The following SPG7 variants were observed in gnomAD, a reference collection of about 807,000 sequenced individuals.
SPG7 encodes the protein mitochondrial inner membrane m-AAA protease component paraplegin.
Under a neutral mutation model 81.9 loss-of-function variants are expected in SPG7, and 103 were observed. The observed-to-expected ratio is 1.26, with a 90% CI of 1.07 to 1.48. The LOEUF (loss-of-function observed/expected upper bound fraction) is 1.48, where lower values mean the gene tolerates loss of function less well. SPG7 is among the 40% of genes most tolerant of loss of function. The probability of loss-of-function intolerance (pLI) is 0.00; values close to 1 mark genes in which losing one functional copy is unlikely to be tolerated. For synonymous variants in SPG7, 534 were observed against 444.2 expected, an observed-to-expected ratio of 1.20 and a Z score of -2.54; for missense variants, 1,241 against 1,087.3, an observed-to-expected ratio of 1.14 and a Z score of -1.99.
In SPG7 at chr16:89,553,011, G is replaced by A. The variant is rs114474424; in HGVS notation, c.1812G>A (p.Leu604=). ...VSITPRTNAA[L]GFAQMLPRDQ... is the part of the protein sequence containing the mutation. ...TAACCCCTCGGACAAACGCCGCCCT[G>A]GGCTTTGCTCAGATGCTCCCCAGAG... is the stretch of plus-strand genomic sequence containing the variant. The change falls in exon 14 of 17, where the codon CTG becomes CTA. Residue 604 remains leucine, a synonymous_variant. Transcript: ENST00000645818. 32 of 1,613,972 alleles carry A rather than the reference G, an allele frequency of 2.0e-5. No homozygotes were observed. In the East Asian group the frequency reaches 5.6e-4, roughly 28 times the overall value.
chr16:89,510,795 G>A (rs2058010236), intron 2 of SPG7, among the ~76,000 whole-genome samples: 1 of 152,174 alleles, frequency 6.6e-6, no homozygotes, highest in South Asian at 2.1e-4. Context: ...TTCCGGAGTA[G>A]CTAGGACTAC....
chr16:89,517,715 GT>G (rs1313571734), intron 3 of SPG7: 1 of 151,728 alleles, frequency 6.6e-6, no homozygotes, highest in Non-Finnish European at 1.5e-5. Context: ...CACCTCGTGG[GT>G]TCAAGCAGTT....
chr16:89,527,024 G>C (rs991430322), intron 5 of SPG7: 2 of 241,516 alleles, frequency 8.3e-6, no homozygotes, highest in African/African-American at 2.3e-5. Context: ...CGAAATCTTT[G>C]TGTGTAACCT....
At chr16:89,530,305 C>G (rs1224242508) in intron 6 of SPG7, 2 of 345,734 alleles carry the variant, frequency 5.8e-6, no homozygotes, top group African/African-American at 4.3e-5. Context: ...CCACCACACC[C>G]AGCTAATTTT....
chr16:89,550,495 G>C lies in SPG7; in HGVS notation c.1665G>C (p.Gly555=), dbSNP rs1489882735. Residue 555 remains glycine (G), a splice_region_variant and synonymous_variant, in exon 13 of 17, where the codon GGG becomes GGC. Transcript: ENST00000645818. ...FEYAVERVLA[G]TAKKSKILSK... ...ACTCATACCCCGGCATTCTTTCAGG[G>C]ACTGCCAAAAAGAGCAAGATCCTGT... The C allele has an allele frequency of 4.3e-6, 7 of 1,611,528 alleles. No individual in the cohort carries two copies. The highest frequency in any genetic ancestry group is 5.9e-6 in the Non-Finnish European group (7 of 1,178,396).
intron 9 of SPG7, chr16:89,544,231 C>G (rs1231157377): frequency 1.4e-5 from 4 of 291,700 alleles, no homozygotes; most frequent in South Asian, 1.3e-4. Flanking sequence ...TAGGGCCAGA[C>G]GTTGAAGATA....
chr16:89,515,764 A>G (rs940727401), intron 3 of SPG7, among the ~76,000 whole-genome samples: 4 of 150,032 alleles, frequency 2.7e-5, no homozygotes, highest in Non-Finnish European at 5.9e-5. Flanking sequence ...CTAGAGTGCA[A>G]TGGCACGATC....
intron 5 of SPG7, among the ~76,000 whole-genome samples, chr16:89,528,210 G>A (rs1213052323): frequency 2.6e-5 from 4 of 151,788 alleles, no homozygotes; most frequent in Middle Eastern, 6.8e-3. Context: ...CTAACACGAC[G>A]AAACCCCGTC....
At position 89,545,011 on chromosome 16, in the gene SPG7, T is replaced by G. The variant is rs542138798; in HGVS notation, c.1449+239T>G. ...CACGCCCCCTGGCAGACCTGCCCAA[T>G]GGCTGCACTCACTGCTCGGGGTTTT... is the stretch of plus-strand genomic sequence containing the variant. On this transcript the variant is annotated intron_variant, in intron 10 of 16. Transcript: ENST00000645818. The G allele has an allele frequency of 5.2e-6, 3 of 574,788 alleles. No individual in the cohort carries two copies. In the East Asian group the frequency reaches 9.2e-5, roughly 18 times the overall value. The allele number at this position is 574,788 out of a possible 1,614,324, so 35.6% of individuals were successfully genotyped here.
chr16:89,545,164 T>A, intron 10 of SPG7: 2 of 349,132 alleles, frequency 5.7e-6, no homozygotes, highest in South Asian at 4.4e-5. Context: ...GTGGCATCAC[T>A]TCCTTCCATC....
chr16:89,557,181 C>A lies in SPG7; in HGVS notation c.*88C>A, dbSNP rs1261300150. The A allele has an allele frequency of 3.3e-6, 3 of 921,200 alleles. No homozygotes were observed. The highest frequency in any genetic ancestry group is 5.2e-6 in the Non-Finnish European group (3 of 577,282). The allele number at this position is 921,200 out of a possible 1,614,324, so 57.1% of individuals were successfully genotyped here. A position where few individuals can be genotyped will look rare whatever the true frequency, so the allele number is the denominator to read the frequency against. ...AGTTGCTTTTCAGCTGAGGTTTGCA[C>A]TTCCTCTCGCGGCCCTCAGTAGTCC... On this transcript the variant is annotated 3_prime_UTR_variant, in exon 17 of 17. Transcript: ENST00000645818.
intron 2 of SPG7, among the ~76,000 whole-genome samples, chr16:89,512,405 T>A (rs909819064): frequency 2.0e-5 from 3 of 151,274 alleles, no homozygotes; most frequent in African/African-American, 7.3e-5. Context: ...AACCTCCGCC[T>A]CCCGGGTTCA....
chr16:89,514,967 C>T (rs1012248153), intron 3 of SPG7, among the ~76,000 whole-genome samples: 7 of 144,660 alleles, frequency 4.8e-5, no homozygotes, highest in African/African-American at 7.8e-5. Context: ...GACGGAGTCT[C>T]GCTCTGTCGC....
intron 9 of SPG7, among the ~76,000 whole-genome samples, chr16:89,534,210 C>G (rs1487066950): frequency 1.3e-5 from 2 of 152,188 alleles, no homozygotes; most frequent in African/African-American, 4.8e-5. Flanking sequence ...CTGTCTGTCT[C>G]TGAGTTTGAC....
chr16:89,536,993 C>G (rs188117082), intron 9 of SPG7: 6 of 1,613,594 alleles, frequency 3.7e-6, no homozygotes, highest in Middle Eastern at 1.6e-4. Flanking sequence ...CTCTCTGTGC[C>G]ATCATAAGAA....
intron 4 of SPG7, among the ~76,000 whole-genome samples, chr16:89,524,625 G>A (rs2058237612): frequency 6.6e-6 from 1 of 152,040 alleles, no homozygotes; most frequent in South Asian, 2.1e-4. Flanking sequence ...TGTAGTTCTA[G>A]TAGAGATGGG....
intron 9 of SPG7, chr16:89,544,105 T>C (rs1248337900): frequency 5.5e-6 from 1 of 180,750 alleles, no homozygotes; most frequent in Non-Finnish European, 1.2e-5. Context: ...CTTTTCGCAG[T>C]TGATTTATTC....
intron 4 of SPG7, among the ~76,000 whole-genome samples, chr16:89,524,622 C>A (rs1003605032): frequency 6.6e-6 from 1 of 151,128 alleles, no homozygotes; most frequent in African/African-American, 2.4e-5. Flanking sequence ...TTTTGTAGTT[C>A]TAGTAGAGAT....
chr16:89,542,666 G>A (rs2058510300), intron 9 of SPG7, among the ~76,000 whole-genome samples: 1 of 152,138 alleles, frequency 6.6e-6, no homozygotes, highest in Non-Finnish European at 1.5e-5. Context: ...GCTTAGTGAG[G>A]CTCAGGACAG....
Sources: allele counts gnomAD v4.1 joint callset (sites outside exome capture counted in the v4.1 genomes callset), GRCh38; gene constraint gnomAD v4.1.1; transcripts MANE v1.5; gene names NCBI Gene and HGNC (gene_info 2026-07-23, HGNC 2026-07-21).